The following TSHZ1 variants were observed in gnomAD, a reference collection of about 807,000 sequenced individuals.
The protein encoded by TSHZ1 is teashirt homolog 1.
In TSHZ1, 12 loss-of-function variants were observed where a neutral mutation model predicts 67.1. The ratio of observed to expected loss-of-function variants is 0.18; its 90% CI spans 0.11 to 0.29. The LOEUF (loss-of-function observed/expected upper bound fraction) is 0.29, where lower values mean the gene tolerates loss of function less well. Ranked by LOEUF, TSHZ1 falls within the 10% of genes least tolerant of loss-of-function variation. The pLI, the probability that TSHZ1 is intolerant of heterozygous loss-of-function variation, is 1.00. For synonymous variants in TSHZ1, 632 were observed against 622.4 expected (o/e 1.02, Z -0.23); for missense variants, 1,305 against 1,413.9 (o/e 0.92, Z 1.23).
At chr18:75,260,413 A>G (rs908909549) in intron 1 of TSHZ1, among the ~76,000 whole-genome samples, 21 of 152,340 alleles carry the variant, frequency 1.4e-4, no homozygotes, top group Middle Eastern at 3.4e-3. Context: ...GAAGACAAAG[A>G]CAGTCTTCAT....
intron 1 of TSHZ1, among the ~76,000 whole-genome samples, chr18:75,214,724 TAAAG>T (rs989216965): frequency 1.6e-4 from 25 of 152,138 alleles, no homozygotes; most frequent in African/African-American, 4.6e-4. Context: ...GTAAAAAAAA[TAAAG>T]AAATACTGCT....
chr18:75,258,889 G>A (rs919520137), intron 1 of TSHZ1, among the ~76,000 whole-genome samples: 1 of 152,120 alleles, frequency 6.6e-6, no homozygotes, highest in African/African-American at 2.4e-5. Context: ...TTACTCACAT[G>A]TTCTTAACTT....
rs1358623024 is a variant in TSHZ1 at position 75,288,841 on chromosome 18, A to T, written c.*200A>T. On this transcript the variant is annotated 3_prime_UTR_variant, in exon 2 of 2. Coordinates refer to ENST00000580243, the MANE Select transcript of TSHZ1 (RefSeq NM_001308210.2). This position sits in a 1 kb window ranked among gnomAD's most constrained non-coding sequence, Gnocchi z 4.9. ...TTATTTTTCTTTTTCCGTGAGTCAA[A>T]GTCTGACCTTTATTTTCAACATCTG... is the stretch of plus-strand genomic sequence containing the variant. 19 of 815,886 alleles carry T rather than the reference A, an allele frequency of 2.3e-5. 1 individual carries two copies. In the East Asian group the frequency reaches 6.1e-4, roughly 26 times the overall value. The allele number at this position is 815,886 out of a possible 1,614,324, so 50.5% of individuals were successfully genotyped here. A position where few individuals can be genotyped will look rare whatever the true frequency, so the allele number is the denominator to read the frequency against.
At chr18:75,221,823 C>T (rs1229175672) in intron 1 of TSHZ1, among the ~76,000 whole-genome samples, 9 of 152,122 alleles carry the variant, frequency 5.9e-5, no homozygotes, top group South Asian at 4.1e-4. Context: ...AAGCCAAATC[C>T]GGGCAAATAA....
At chr18:75,268,789 A>G (rs562219126) in intron 1 of TSHZ1, among the ~76,000 whole-genome samples, 1 of 152,286 alleles carries the variant, frequency 6.6e-6, no homozygotes, top group Non-Finnish European at 1.5e-5. Context: ...ACATCAGCCA[A>G]ATGGTGTAGC....
At chr18:75,224,929 C>T (rs1381327540) in intron 1 of TSHZ1, among the ~76,000 whole-genome samples, 1 of 152,114 alleles carries the variant, frequency 6.6e-6, no homozygotes, top group Non-Finnish European at 1.5e-5. Flanking sequence ...ATCCATTGCA[C>T]CCATCTTTAG....
chr18:75,223,103 T>C (rs2022870489), intron 1 of TSHZ1, among the ~76,000 whole-genome samples: 2 of 152,208 alleles, frequency 1.3e-5, no homozygotes, highest in Admixed American at 1.3e-4. Flanking sequence ...ATGATGAAGA[T>C]AATAATACAT....
intron 1 of TSHZ1, among the ~76,000 whole-genome samples, chr18:75,227,040 C>T (rs999557382): frequency 3.3e-5 from 5 of 152,132 alleles, no homozygotes; most frequent in Admixed American, 1.3e-4. Flanking sequence ...CATGGAGTCC[C>T]GGCTTTCCGT....
At position 75,238,323 on chromosome 18, in the gene TSHZ1, C is replaced by T. The variant is rs1199275328; in HGVS notation, c.40+26407C>T. On this transcript the variant is annotated intron_variant, in intron 1 of 1. Transcript: ENST00000580243. ...CAACTGTGACTCATGATGGAACTCCCACCAGCGAGGTGTAGACGTGTAGTA... is the reference window on the plus strand; with the variant it reads ...CAACTGTGACTCATGATGGAACTCCTACCAGCGAGGTGTAGACGTGTAGTA... Among the ~76,000 whole-genome samples the T allele has an allele frequency of 3.3e-5, 5 of 152,176 alleles. No homozygotes were observed. In the South Asian group the frequency reaches 6.2e-4, roughly 19 times the overall value.
Position 75,211,855 on chromosome 18 carries a change from ACGGCTGCGGCGG to A in TSHZ1, c.-20_-9del. On this transcript the variant is annotated 5_prime_UTR_variant, in exon 1 of 2. Coordinates refer to ENST00000580243, the MANE Select transcript of TSHZ1 (RefSeq NM_001308210.2). ...GCGAACTCCGGCGGCGGCTGAGGCGACGGCTGCGGCGGCCGAGCAGCATGCCGAGGAGGAAGC... is the reference window on the plus strand; with the variant it reads ...GCGAACTCCGGCGGCGGCTGAGGCGACCGAGCAGCATGCCGAGGAGGAAGC... The A allele has an allele frequency of 1.7e-6, 2 of 1,165,910 alleles. No homozygotes were observed. The highest frequency in any genetic ancestry group is 2.1e-6 in the Non-Finnish European group (2 of 946,226). The allele number at this position is 1,165,910 out of a possible 1,614,324, so 72.2% of individuals were successfully genotyped here.
intron 1 of TSHZ1, among the ~76,000 whole-genome samples, chr18:75,241,664 A>G (rs1008908600): frequency 3.3e-5 from 5 of 152,304 alleles, no homozygotes; most frequent in African/African-American, 1.2e-4. Context: ...TAACAAATCA[A>G]TACAAATTAA....
Position 75,211,921 on chromosome 18 carries a change from C to G in TSHZ1, c.40+5C>G, listed in dbSNP as rs1355536774. The G allele has an allele frequency of 3.3e-6, 4 of 1,200,764 alleles. No individual in the cohort carries two copies. The highest frequency in any genetic ancestry group is 4.1e-6 in the Non-Finnish European group (4 of 968,490). 74.4% of individuals were successfully genotyped at this position (1,200,764 alleles called of 1,614,324 possible). Reference sequence around the variant, plus strand: ...AGGCCCCCCGGCGCTCGGCAGGTAACGGGCGCGCGGCCCGCGCCGCGGGGA... The same window carrying G: ...AGGCCCCCCGGCGCTCGGCAGGTAAGGGGCGCGCGGCCCGCGCCGCGGGGA... On this transcript the variant is annotated splice_donor_5th_base_variant and intron_variant, in intron 1 of 1. Coordinates refer to ENST00000580243, the MANE Select transcript of TSHZ1 (RefSeq NM_001308210.2).
chr18:75,268,383 TC>T (rs1461459213), intron 1 of TSHZ1, among the ~76,000 whole-genome samples: 1 of 152,234 alleles, frequency 6.6e-6, no homozygotes, highest in Non-Finnish European at 1.5e-5. Flanking sequence ...TTATGAGACT[TC>T]TCCAAGTTTC....
At chr18:75,271,303 G>A (rs949170682) in intron 1 of TSHZ1, among the ~76,000 whole-genome samples, 1 of 152,208 alleles carries the variant, frequency 6.6e-6, no homozygotes, top group Non-Finnish European at 1.5e-5. Context: ...CATCCCTCCA[G>A]CCTCTCCTTC....
In TSHZ1 at chr18:75,220,403, T is replaced by A. The variant is rs75573571; in HGVS notation, c.40+8487T>A. ...CAGTGTGGCTTACTGAGAATTGGAATAAACAGGCCTCCTGTTACCATTTTT... is the reference window on the plus strand; with the variant it reads ...CAGTGTGGCTTACTGAGAATTGGAAAAAACAGGCCTCCTGTTACCATTTTT... On this transcript the variant is annotated intron_variant, in intron 1 of 1. Coordinates refer to ENST00000580243, the MANE Select transcript of TSHZ1 (RefSeq NM_001308210.2). Among the ~76,000 whole-genome samples, 1,273 of 152,326 alleles carry A rather than the reference T, an allele frequency of 8.4e-3. 11 individuals carry two copies. The highest frequency in any genetic ancestry group is 0.013 in the Non-Finnish European group (859 of 68,030).
chr18:75,264,484 A>ATTTT (rs60144564), intron 1 of TSHZ1, among the ~76,000 whole-genome samples: 1,683 of 146,484 alleles, frequency 0.011, 19 homozygotes, highest in Non-Finnish European at 0.017. Context: ...ACACTGACAG[A>ATTTT]TTTTTTTTTT....
chr18:75,272,115 G>A (rs1211833900), intron 1 of TSHZ1, among the ~76,000 whole-genome samples: 1 of 152,216 alleles, frequency 6.6e-6, no homozygotes, highest in African/African-American at 2.4e-5. Flanking sequence ...TCTCGACAGA[G>A]CAGAGAGGGG....
chr18:75,280,767 G>A (rs1019846970), intron 1 of TSHZ1: 6 of 985,326 alleles, frequency 6.1e-6, no homozygotes, highest in African/African-American at 1.7e-5. Flanking sequence ...AGCCTGTGCC[G>A]TGTGAGCTGA....
At chr18:75,237,820 A>G (rs1182421086) in intron 1 of TSHZ1, among the ~76,000 whole-genome samples, 1 of 151,184 alleles carries the variant, frequency 6.6e-6, no homozygotes, top group Non-Finnish European at 1.5e-5. Flanking sequence ...TTATTTATTT[A>G]TTTATTTTTG....
Sources: allele counts gnomAD v4.1 joint callset (sites outside exome capture counted in the v4.1 genomes callset), GRCh38; gene constraint gnomAD v4.1.1; non-coding constraint Gnocchi (gnomAD v3.1); transcripts MANE v1.5; gene names NCBI Gene and HGNC (gene_info 2026-07-23, HGNC 2026-07-21).